Variants in POLR1H observed in about 807,000 individuals in gnomAD.
The protein encoded by POLR1H is RNA polymerase I subunit H.
Under a neutral mutation model 15.8 loss-of-function variants are expected in POLR1H, and 5 were observed. The observed-to-expected ratio is 0.32, with a 90% CI of 0.17 to 0.67. POLR1H has a LOEUF of 0.67. Among genes scored for constraint, POLR1H ranks in the 30% least tolerant of loss-of-function variants. POLR1H has a pLI of 0.74. For missense variants in POLR1H, 100 were observed against 163.4 expected (o/e 0.61, Z 2.11); for synonymous variants, 43 against 58.3 (o/e 0.74, Z 1.20).
At chr6:30,064,268 T>C (rs1765333041) in intron 3 of POLR1H, among the ~76,000 whole-genome samples, 1 of 151,968 alleles carries the variant, frequency 6.6e-6, no homozygotes, top group African/African-American at 2.4e-5. Context: ...AGTATTTTTT[T>C]CCTATCACTG....
At chr6:30,061,084 T>C, upstream of POLR1H, 1 of 158,154 alleles carries the variant, frequency 6.3e-6, no homozygotes, top group African/African-American at 2.4e-5. This position sits in a 1 kb window ranked among gnomAD's most constrained non-coding sequence, Gnocchi z 5.0. Context: ...GTTACCAATT[T>C]TGTGCTCAAC....
At chr6:30,062,202 T>A (rs748576936) in intron 2 of POLR1H, 22 bp from the exon 3 acceptor site, 21 of 1,597,528 alleles carry the variant, frequency 1.3e-5, no homozygotes, top group Admixed American at 1.7e-5. Context: ...CAGGCCTCCC[T>A]AACCCACCAG....
rs1765266168 is a variant in POLR1H at position 30,063,321 on chromosome 6, C to G, written c.356+988C>G. Among the ~76,000 whole-genome samples, 1 of 151,978 alleles carries G rather than the reference C, an allele frequency of 6.6e-6. No homozygotes were observed. The highest frequency in any genetic ancestry group is 1.5e-5 in the Non-Finnish European group (1 of 67,980). On this transcript the variant is annotated intron_variant, in intron 3 of 3. Coordinates refer to ENST00000332435, the MANE Select transcript of POLR1H (RefSeq NM_170783.4). This position sits in a 1 kb window ranked among gnomAD's most constrained non-coding sequence, Gnocchi z 4.1. ...TCTTTTCATATTTTCAATTGCTGTT[C>G]TCTTTATGCCACCTTCTGAGTAATT...
chr6:30,061,774 G>C lies in POLR1H; in HGVS notation c.145+105G>C. The C allele has an allele frequency of 6.4e-7, 1 of 1,571,226 alleles. No individual in the cohort carries two copies. The highest frequency in any genetic ancestry group is 8.7e-7 in the Non-Finnish European group (1 of 1,151,020). ...GAGGGGATCCTAGAGCAGGACATCA[G>C]GCGGTTGTACATTTGGTCTAGCGAT... is the stretch of plus-strand genomic sequence containing the variant. On this transcript the variant is annotated intron_variant, in intron 1 of 3. Transcript: ENST00000332435. The surrounding 1 kb of genome is among the most constrained non-coding windows in gnomAD (Gnocchi z 5.0).
chr6:30,062,714 C>CCTTTTTTTTT lies in POLR1H; in HGVS notation c.356+381_356+382insCTTTTTTTTT, dbSNP rs749507630. 4.9e-3 allele frequency among the ~76,000 whole-genome samples: 206 copies of CCTTTTTTTTT among 42,394 alleles called. 19 individuals are homozygous for CCTTTTTTTTT. Among genetic ancestry groups the CCTTTTTTTTT allele is most frequent in the South Asian group, 0.016 (12 of 742 alleles). 27.8% of individuals were successfully genotyped at this position (42,394 alleles called of 152,430 possible). A position where few individuals can be genotyped will look rare whatever the true frequency, so the allele number is the denominator to read the frequency against. Reference sequence around the variant, plus strand: ...CACAGACACATGCCACCACGCCTGGCTTTTTTTTTTTTTTTTTTTTTTTTT... The same window carrying CCTTTTTTTTT: ...CACAGACACATGCCACCACGCCTGGCCTTTTTTTTTTTTTTTTTTTTTTTTTTTTTTTTTT... On this transcript the variant is annotated intron_variant, in intron 3 of 3. Coordinates refer to ENST00000332435, the MANE Select transcript of POLR1H (RefSeq NM_170783.4).
chr6:30,061,794 A>C lies in POLR1H; in HGVS notation c.146-123A>C. The C allele has an allele frequency of 6.4e-7, 1 of 1,558,696 alleles. No homozygotes were observed. Among genetic ancestry groups the C allele is most frequent in the East Asian group, 2.2e-5 (1 of 44,514 alleles). ...CATCAGGCGGTTGTACATTTGGTCTAGCGATGAAAACTGAGGGAAAGGATG... is the reference window on the plus strand; with the variant it reads ...CATCAGGCGGTTGTACATTTGGTCTCGCGATGAAAACTGAGGGAAAGGATG... On this transcript the variant is annotated intron_variant, in intron 1 of 3. Transcript: ENST00000332435. The surrounding 1 kb of genome is among the most constrained non-coding windows in gnomAD (Gnocchi z 5.0).
chr6:30,062,688 C>G (rs1019283500), intron 3 of POLR1H, among the ~76,000 whole-genome samples: 4 of 139,840 alleles, frequency 2.9e-5, no homozygotes, highest in Non-Finnish European at 6.1e-5. Flanking sequence ...GTAGCTGGGA[C>G]CACAGACACA....
chr6:30,064,735 T>G lies in POLR1H; in HGVS notation c.*38T>G. The G allele has an allele frequency of 6.3e-7, 1 of 1,598,632 alleles. No individual in the cohort carries two copies. On this transcript the variant is annotated 3_prime_UTR_variant, in exon 4 of 4. Transcript: ENST00000332435. ...GCAACTCTACAGTCCCTCCCTCCTTTCGGAAGGTGAAGGATACTGGGTTTT... is the reference window on the plus strand; with the variant it reads ...GCAACTCTACAGTCCCTCCCTCCTTGCGGAAGGTGAAGGATACTGGGTTTT...
upstream of POLR1H, chr6:30,061,257 G>A: frequency 2.6e-6 from 1 of 383,646 alleles, no homozygotes; most frequent in Non-Finnish European, 4.7e-6. The surrounding 1 kb of genome is among the most constrained non-coding windows in gnomAD (Gnocchi z 5.0). Flanking sequence ...CTGCCCCGCC[G>A]CGGGCGCAGA....
upstream of POLR1H, chr6:30,060,306 A>G (rs1167065383): frequency 6.6e-6 from 1 of 152,266 alleles, no homozygotes; most frequent in Non-Finnish European, 1.5e-5. Context: ...GCAGGAAACT[A>G]GTAAACAACT....
At position 30,061,722 on chromosome 6, in the gene POLR1H, G is replaced by C; in HGVS notation, c.145+53G>C. On this transcript the variant is annotated intron_variant, in intron 1 of 3. Coordinates refer to ENST00000332435, the MANE Select transcript of POLR1H (RefSeq NM_170783.4). The surrounding 1 kb of genome is among the most constrained non-coding windows in gnomAD (Gnocchi z 5.0). Reference sequence around the variant, plus strand: ...GCGGAGGGCGCAGGGTCGGAAGCTTGGGGAACTCAAGATCGGTTGGGTTGA... The same window carrying C: ...GCGGAGGGCGCAGGGTCGGAAGCTTCGGGAACTCAAGATCGGTTGGGTTGA... 6.2e-7 allele frequency: 1 copy of C among 1,608,762 alleles called. No homozygotes were observed. The highest frequency in any genetic ancestry group is 8.5e-7 in the Non-Finnish European group (1 of 1,177,030).
rs768866909 is a variant in POLR1H at position 30,064,692 on chromosome 6, T to TCTTG, written c.377_380dup (p.Ter127CysfsTer58). On this transcript the variant is annotated frameshift_variant, in exon 4 of 4. Coordinates refer to ENST00000332435, the MANE Select transcript of POLR1H (RefSeq NM_170783.4). LOFTEE classifies it high-confidence loss of function. ...TCATAGGTTCCAGGAGAAGGAAGAC[T>TCTTG]CTTGACCTTTTTCCTGGGCAACTCT... 1 of 1,609,152 alleles carries TCTTG rather than the reference T, an allele frequency of 6.2e-7. No individual in the cohort carries two copies. Among genetic ancestry groups the TCTTG allele is most frequent in the Non-Finnish European group, 8.5e-7 (1 of 1,178,652 alleles).
In POLR1H at chr6:30,061,931, G is replaced by A. The variant is rs1765111963; in HGVS notation, c.160G>A (p.Val54Ile). 6.2e-7 allele frequency: 1 copy of A among 1,613,122 alleles called. No homozygotes were observed. The highest frequency in any genetic ancestry group is 8.5e-7 in the Non-Finnish European group (1 of 1,180,020). ...TGCCTGTGCAGACTTTGAGGGGAAG[G>A]TTGTGAAGACTTCGGTTGTGTTCCA... is the stretch of plus-strand genomic sequence containing the variant. ...NINVRDFEGKVVKTSVVFHQL... is the reference protein window; with the variant it reads ...NINVRDFEGKIVKTSVVFHQL... Residue 54 changes from valine (V) to isoleucine (I), a missense_variant, in exon 2 of 4, where the codon GTT becomes ATT. Coordinates refer to ENST00000332435, the MANE Select transcript of POLR1H (RefSeq NM_170783.4). The surrounding 1 kb of genome is among the most constrained non-coding windows in gnomAD (Gnocchi z 5.0).
chr6:30,061,305 C>A lies in POLR1H; in HGVS notation c.-220C>A, dbSNP rs369493954. 230 of 489,400 alleles carry A rather than the reference C, an allele frequency of 4.7e-4. 17 individuals carry two copies. Among genetic ancestry groups the A allele is most frequent in the East Asian group, 1.7e-3 (53 of 30,464 alleles). 30.3% of individuals were successfully genotyped at this position (489,400 alleles called of 1,614,324 possible). ...GCCCACGGAGTTGGTTAACTCCTCT[C>A]ACCGGCCCCTGGAAAGGGTTCCAAG... is the stretch of plus-strand genomic sequence containing the variant. On this transcript the variant is annotated 5_prime_UTR_variant, in exon 1 of 4. Coordinates refer to ENST00000332435, the MANE Select transcript of POLR1H (RefSeq NM_170783.4). The surrounding 1 kb of genome is among the most constrained non-coding windows in gnomAD (Gnocchi z 5.0).
At position 30,064,525 on chromosome 6, in the gene POLR1H, A is replaced by G. The variant is rs1253275124; in HGVS notation, c.357-148A>G. The G allele has an allele frequency of 5.2e-6, 3 of 577,736 alleles. No individual in the cohort carries two copies. In the African/African-American group the frequency reaches 5.8e-5, roughly 11 times the overall value. 35.8% of individuals were successfully genotyped at this position (577,736 alleles called of 1,614,324 possible). A position where few individuals can be genotyped will look rare whatever the true frequency, so the allele number is the denominator to read the frequency against. The stretch of plus-strand genomic sequence containing the variant: ...TCCCAGAATTTTTAGTTGTCTTGGA[A>G]TTAGAATTGGAAGTTTGTTTAGGGG... On this transcript the variant is annotated intron_variant, in intron 3 of 3. Transcript: ENST00000332435.
chr6:30,061,808 A>T lies in POLR1H; in HGVS notation c.146-109A>T, dbSNP rs1416482256. On this transcript the variant is annotated intron_variant, in intron 1 of 3. Transcript: ENST00000332435. The surrounding 1 kb of genome is among the most constrained non-coding windows in gnomAD (Gnocchi z 5.0). Reference sequence around the variant, plus strand: ...ACATTTGGTCTAGCGATGAAAACTGAGGGAAAGGATGTAGGGCCTCCTGGC... The same window carrying T: ...ACATTTGGTCTAGCGATGAAAACTGTGGGAAAGGATGTAGGGCCTCCTGGC... The T allele has an allele frequency of 1.3e-6, 2 of 1,550,778 alleles. No individual in the cohort carries two copies. Among genetic ancestry groups the T allele is most frequent in the Non-Finnish European group, 1.8e-6 (2 of 1,135,150 alleles).
At chr6:30,064,556 G>C (rs1476009632) in intron 3 of POLR1H, 117 bp from the exon 4 acceptor site, 2 of 854,136 alleles carry the variant, frequency 2.3e-6, no homozygotes, top group African/African-American at 3.5e-5. Context: ...AGGGGAGCCA[G>C]TCCTCAATGA....
upstream of POLR1H, chr6:30,060,679 G>A (rs1483790957): frequency 6.6e-6 from 1 of 152,134 alleles, no homozygotes; most frequent in Non-Finnish European, 1.5e-5. Flanking sequence ...TCGTCCCGTG[G>A]GACTAAGCAT....
At chr6:30,061,169 G>A (rs1765012167), upstream of POLR1H, 1 of 217,754 alleles carries the variant, frequency 4.6e-6, no homozygotes, top group Non-Finnish European at 9.1e-6. The surrounding 1 kb of genome is among the most constrained non-coding windows in gnomAD (Gnocchi z 5.0). Context: ...ACGCTCCCGA[G>A]ACACGGTTCG....
Sources: gnomAD v4.1 joint callset for allele counts (sites outside exome capture counted in the v4.1 genomes callset) on GRCh38, gnomAD v4.1.1 for gene constraint, Gnocchi (gnomAD v3.1) non-coding constraint, MANE v1.5 for transcripts, NCBI Gene and HGNC (gene_info 2026-07-23, HGNC 2026-07-21) for gene names.